The following SLC20A2 variants were observed in gnomAD, a reference collection of about 807,000 sequenced individuals.
SLC20A2 encodes the protein sodium-dependent phosphate transporter 2.
A neutral mutation model predicts 61.0 loss-of-function variants in SLC20A2; 30 were observed. The ratio of observed to expected loss-of-function variants is 0.49; its 90% CI spans 0.37 to 0.67. The LOEUF (loss-of-function observed/expected upper bound fraction) is 0.67, where lower values mean the gene tolerates loss of function less well. Among genes scored for constraint, SLC20A2 ranks in the 30% least tolerant of loss-of-function variants. The pLI is 0.00. For missense variants in SLC20A2, 626 were observed against 866.4 expected (o/e 0.72, Z 3.48); for synonymous variants, 351 against 353.3 (o/e 0.99, Z 0.07).
intron 1 of SLC20A2, among the ~76,000 whole-genome samples, chr8:42,473,698 G>C (rs758577523): frequency 4.6e-5 from 7 of 152,112 alleles, no homozygotes; most frequent in Non-Finnish European, 7.3e-5. Context: ...TATTATTGGA[G>C]AGCCAAGGCA....
chr8:42,419,281 T>C (rs1802887833), intron 10 of SLC20A2, among the ~76,000 whole-genome samples: 1 of 151,948 alleles, frequency 6.6e-6, no homozygotes, highest in African/African-American at 2.4e-5. Flanking sequence ...AAAATGGTGA[T>C]TTACCAGGCC....
At chr8:42,531,681 A>G (rs1812330208) in intron 1 of SLC20A2, among the ~76,000 whole-genome samples, 1 of 152,186 alleles carries the variant, frequency 6.6e-6, no homozygotes, top group African/African-American at 2.4e-5. Context: ...TTTCCCACAC[A>G]AGAAACGAAA....
Position 42,416,628 on chromosome 8 carries a change from C to T in SLC20A2, c.*1175G>A, listed in dbSNP as rs1185751740. On this transcript the variant is annotated 3_prime_UTR_variant, in exon 11 of 11. Transcript: ENST00000520262. ...AGTCGTACTTCCTCCCTCCCGCTAT[C>T]AAAAAAAGAAGAGACTCCAATGGGA... 2 of 152,462 alleles carry T rather than the reference C, an allele frequency of 1.3e-5. No individual in the cohort carries two copies. The highest frequency in any genetic ancestry group is 2.9e-5 in the Non-Finnish European group (2 of 67,998). The allele number at this position is 152,462 out of a possible 1,614,324, so 9.4% of individuals were successfully genotyped here. A position where few individuals can be genotyped will look rare whatever the true frequency, so the allele number is the denominator to read the frequency against.
At chr8:42,431,465 C>T (rs1390487275) in intron 8 of SLC20A2, among the ~76,000 whole-genome samples, 1 of 152,188 alleles carries the variant, frequency 6.6e-6, no homozygotes, top group Non-Finnish European at 1.5e-5. Flanking sequence ...AGGAAAGAAG[C>T]CATCCTCATA....
intron 10 of SLC20A2, among the ~76,000 whole-genome samples, chr8:42,428,445 C>G (rs914657204): frequency 1.3e-5 from 2 of 152,232 alleles, no homozygotes; most frequent in African/African-American, 2.4e-5. Context: ...ACAGGTATGC[C>G]CAGCGCACAC....
chr8:42,484,904 T>G (rs988785384), intron 1 of SLC20A2: 14 of 412,416 alleles, frequency 3.4e-5, no homozygotes, highest in Non-Finnish European at 6.3e-5. Flanking sequence ...CAGCTGGCCC[T>G]GAGACAGCAG....
chr8:42,495,524 A>G (rs772850160), intron 1 of SLC20A2, among the ~76,000 whole-genome samples: 2 of 152,198 alleles, frequency 1.3e-5, no homozygotes, highest in Non-Finnish European at 2.9e-5. Context: ...ACAGATGTAG[A>G]AAATAACAGT....
At chr8:42,511,835 C>G (rs181391600) in intron 1 of SLC20A2, among the ~76,000 whole-genome samples, 2 of 151,860 alleles carry the variant, frequency 1.3e-5, no homozygotes, top group Non-Finnish European at 2.9e-5. Flanking sequence ...AATGAGTGTT[C>G]GTTTTCAAAG....
intron 5 of SLC20A2, among the ~76,000 whole-genome samples, chr8:42,455,289 G>C (rs1458502804): frequency 5.5e-5 from 8 of 145,086 alleles, no homozygotes; most frequent in Admixed American, 4.9e-4. Context: ...GAGAGAGAGA[G>C]AGAGCGTGCG....
At chr8:42,428,463 C>T (rs1178380612) in intron 10 of SLC20A2, among the ~76,000 whole-genome samples, 1 of 152,250 alleles carries the variant, frequency 6.6e-6, no homozygotes, top group East Asian at 1.9e-4. Context: ...CACAGGATGC[C>T]AATCAAACTC....
chr8:42,447,119 A>T (rs913123855), intron 5 of SLC20A2, among the ~76,000 whole-genome samples: 2 of 151,954 alleles, frequency 1.3e-5, no homozygotes, highest in Non-Finnish European at 2.9e-5. Flanking sequence ...AGGTGAGAGG[A>T]TCACTTGAAG....
Position 42,486,140 on chromosome 8 carries a change from C to CTGTGTGTGTGTGTG in SLC20A2, c.-264-13500_-264-13487dup, listed in dbSNP as rs59925363. ...AATTATCTTTAGCAGAGCTCTCTCA[C>CTGTGTGTGTGTGTG]TGTGTGTGTGTGTGTGTGTGTGTGT... is the stretch of plus-strand genomic sequence containing the variant. On this transcript the variant is annotated intron_variant, in intron 1 of 10. Coordinates refer to ENST00000520262, the MANE Select transcript of SLC20A2 (RefSeq NM_001257180.2). Among the ~76,000 whole-genome samples, 192 of 149,022 alleles carry CTGTGTGTGTGTGTG rather than the reference C, an allele frequency of 1.3e-3. 1 individual carries two copies. Among genetic ancestry groups the CTGTGTGTGTGTGTG allele is most frequent in the African/African-American group, 4.2e-3 (174 of 40,944 alleles).
chr8:42,472,147 C>G lies in SLC20A2; in HGVS notation c.244G>C (p.Glu82Gln). The G allele has an allele frequency of 6.2e-7, 1 of 1,613,882 alleles. No individual in the cohort carries two copies. The highest frequency in any genetic ancestry group is 8.5e-7 in the Non-Finnish European group (1 of 1,180,032). The change falls in exon 2 of 11, where the codon GAG becomes CAG. Residue 82 changes from glutamate to glutamine, a missense_variant. Glu to Gln is a conservative substitution (Grantham distance 29, BLOSUM62 2). Around this residue, in one of 3 missense-constraint regions of SLC20A2, gnomAD observed 127 missense variants for 215.4 expected, o/e 0.59. Transcript: ENST00000520262. The surrounding 1 kb of genome is among the most constrained non-coding windows in gnomAD (Gnocchi z 4.1). ...KGIIDVNLYNETVETLMAGEV... is the reference protein window; with the variant it reads ...KGIIDVNLYNQTVETLMAGEV... ...CCAGCCATGAGAGTCTCCACCGTCT[C>G]GTTGTACAGGTTCACGTCAATGATA...
intron 1 of SLC20A2, among the ~76,000 whole-genome samples, chr8:42,500,403 C>G (rs537195208): frequency 6.6e-5 from 10 of 152,150 alleles, no homozygotes; most frequent in African/African-American, 2.4e-4. Context: ...TTACAGAATC[C>G]CATGGCCTTT....
At chr8:42,461,659 C>T (rs1806709904) in intron 4 of SLC20A2, among the ~76,000 whole-genome samples, 1 of 151,972 alleles carries the variant, frequency 6.6e-6, no homozygotes, top group African/African-American at 2.4e-5. Context: ...GCTATGTTTG[C>T]CAGGCTGGTC....
Position 42,536,762 on chromosome 8 carries a change from C to CAATTT in SLC20A2, c.-265+5058_-265+5059insAAATT, listed in dbSNP as rs1812724663. 2.0e-5 allele frequency among the ~76,000 whole-genome samples: 3 copies of CAATTT among 152,182 alleles called. No individual in the cohort carries two copies. In the South Asian group the frequency reaches 6.2e-4, roughly 32 times the overall value. On this transcript the variant is annotated intron_variant, in intron 1 of 10. Transcript: ENST00000342228. Reference sequence around the variant, plus strand: ...AGCATTCTCTATTGCTCAATACAACCTGAAAAAGTGAATCAAGATTCTACA... The same window carrying CAATTT: ...AGCATTCTCTATTGCTCAATACAACCAATTTTGAAAAAGTGAATCAAGATTCTACA...
At chr8:42,487,489 T>C (rs950947073) in intron 1 of SLC20A2, among the ~76,000 whole-genome samples, 1 of 152,196 alleles carries the variant, frequency 6.6e-6, no homozygotes, top group Non-Finnish European at 1.5e-5. Context: ...TTTTTAAGTG[T>C]TGAAATACTG....
intron 10 of SLC20A2, among the ~76,000 whole-genome samples, chr8:42,424,399 T>C (rs1028247357): frequency 1.3e-5 from 2 of 152,098 alleles, no homozygotes; most frequent in African/African-American, 4.8e-5. Context: ...CACCACAACC[T>C]CCGCCTCCCG....
chr8:42,514,431 G>A (rs775120476), intron 1 of SLC20A2, among the ~76,000 whole-genome samples: 19 of 152,242 alleles, frequency 1.2e-4, no homozygotes, highest in Non-Finnish European at 1.9e-4. Context: ...TTTGGGTTAC[G>A]GACTTGCATG....
Sources: allele counts gnomAD v4.1 joint callset (sites outside exome capture counted in the v4.1 genomes callset), GRCh38; gene constraint gnomAD v4.1.1; regional missense constraint gnomAD v4.1.1; non-coding constraint Gnocchi (gnomAD v3.1); transcripts MANE v1.5; gene names NCBI Gene and HGNC (gene_info 2026-07-23, HGNC 2026-07-21).